The following GLIS3 variants were observed in gnomAD, a reference collection of about 807,000 sequenced individuals.
The protein encoded by GLIS3 is GLIS family zinc finger 3.
A neutral mutation model predicts 78.6 loss-of-function variants in GLIS3; 53 were observed. That is an observed-to-expected ratio of 0.67 (90% CI 0.54 to 0.85). The LOEUF (loss-of-function observed/expected upper bound fraction) is 0.85. GLIS3 is among the 40% of genes least tolerant of loss of function. The pLI, the probability that GLIS3 is intolerant of heterozygous loss-of-function variation, is 0.00. For synonymous variants in GLIS3, 684 were observed against 509.9 expected (o/e 1.34, Z -4.60); for missense variants, 1,703 against 1,231.1 (o/e 1.38, Z -5.74).
At chr9:3,991,721 C>T (rs532287523) in intron 4 of GLIS3, among the ~76,000 whole-genome samples, 4 of 104,404 alleles carry the variant, frequency 3.8e-5, no homozygotes, top group East Asian at 3.3e-4. Flanking sequence ...GACGGAGTCT[C>T]ACTCTGTCGC....
chr9:4,329,468 G>A (rs1817651494), intron 2 of GLIS3, among the ~76,000 whole-genome samples: 1 of 152,006 alleles, frequency 6.6e-6, no homozygotes, highest in Non-Finnish European at 1.5e-5. Context: ...CATTTGTCCT[G>A]GAACTAGGTG....
chr9:4,118,143 G>T lies in GLIS3; in HGVS notation c.1335C>A (p.Pro445=), dbSNP rs560316000. ...GCGGCAGAGGAGGGAGCGGAGGCGC[G>T]GGGGGTAGGTCTACGGTGCTGCCCG... ...EFPGSTVDLP[P]APPLPPLPPP... is the part of the protein sequence containing the mutation. The change falls in exon 4 of 11, where the codon CCC becomes CCA. Residue 445 remains proline, a synonymous_variant. Transcript: ENST00000381971. This position sits in a 1 kb window ranked among gnomAD's most constrained non-coding sequence, Gnocchi z 4.7. 4.8e-5 allele frequency: 74 copies of T among 1,548,934 alleles called. No homozygotes were observed. In the South Asian group the frequency reaches 8.9e-4, roughly 19 times the overall value.
chr9:4,332,853 CTTATACATGATAGTATCAATA>C (rs1253872749), intron 2 of GLIS3, among the ~76,000 whole-genome samples: 3 of 152,154 alleles, frequency 2.0e-5, no homozygotes, highest in Non-Finnish European at 4.4e-5. Context: ...TATTCTGAAC[CTTATACATGATAGTATCAATA>C]TTTCTGGGAT....
the GLIS3 span, among the ~76,000 whole-genome samples, chr9:4,396,704 T>C: frequency 3.9e-5 from 6 of 152,240 alleles, no homozygotes; most frequent in Non-Finnish European, 8.8e-5. Context: ...TAGAATGATA[T>C]GTATATGTAC....
At chr9:3,870,356 C>T (rs777431789) in intron 8 of GLIS3, among the ~76,000 whole-genome samples, 1 of 151,816 alleles carries the variant, frequency 6.6e-6, no homozygotes, top group Non-Finnish European at 1.5e-5. Context: ...ACCACTGGGC[C>T]AAAGAGAAAA....
chr9:4,485,229 G>A, the GLIS3 span, among the ~76,000 whole-genome samples: 2 of 151,988 alleles, frequency 1.3e-5, no homozygotes, highest in Admixed American at 6.5e-5. Flanking sequence ...TGGCCAGGCT[G>A]TTCTTAAACT....
chr9:4,474,767 GCTCACTGCAGCCTCAA>G, the GLIS3 span, among the ~76,000 whole-genome samples: 4 of 149,416 alleles, frequency 2.7e-5, 1 homozygote, highest in African/African-American at 9.9e-5. Flanking sequence ...CATGAACATG[GCTCACTGCAGCCTCAA>G]CCTCCCAGTC....
chr9:3,846,523 G>A (rs115904080), intron 9 of GLIS3, among the ~76,000 whole-genome samples: 1 of 152,154 alleles, frequency 6.6e-6, no homozygotes, highest in African/African-American at 2.4e-5. Context: ...TCTGAAACAG[G>A]GGTGTCAGTA....
the GLIS3 span, among the ~76,000 whole-genome samples, chr9:4,437,804 G>A: frequency 6.6e-6 from 1 of 152,116 alleles, no homozygotes; most frequent in Non-Finnish European, 1.5e-5. Flanking sequence ...GGACCTTTAA[G>A]ATGATCCACT....
At chr9:4,191,528 A>G (rs1055535967) in intron 2 of GLIS3, among the ~76,000 whole-genome samples, 1 of 152,250 alleles carries the variant, frequency 6.6e-6, no homozygotes, top group Non-Finnish European at 1.5e-5. Flanking sequence ...CCTATTACCA[A>G]GAAAGACCTA....
chr9:4,200,737 C>A (rs749871402), intron 2 of GLIS3, among the ~76,000 whole-genome samples: 1 of 152,140 alleles, frequency 6.6e-6, no homozygotes, highest in Non-Finnish European at 1.5e-5. Context: ...ACAGGACTCA[C>A]GGCCAAATTC....
chr9:4,264,185 A>C (rs1015223596), intron 2 of GLIS3, among the ~76,000 whole-genome samples: 1 of 152,176 alleles, frequency 6.6e-6, no homozygotes, highest in Non-Finnish European at 1.5e-5. Context: ...CATTCACTAC[A>C]TGTTCAAACC....
At chr9:4,217,274 T>A (rs1461778536) in intron 2 of GLIS3, among the ~76,000 whole-genome samples, 1 of 152,202 alleles carries the variant, frequency 6.6e-6, no homozygotes, top group Non-Finnish European at 1.5e-5. Context: ...TTCATTCAGC[T>A]CAGGCTCCAT....
chr9:4,099,859 T>C (rs1830233251), intron 4 of GLIS3, among the ~76,000 whole-genome samples: 1 of 152,222 alleles, frequency 6.6e-6, no homozygotes, highest in Non-Finnish European at 1.5e-5. Context: ...ACCTTCAAAT[T>C]CCTAATATTA....
chr9:3,874,800 C>G (rs958602162), intron 8 of GLIS3, among the ~76,000 whole-genome samples: 14 of 152,150 alleles, frequency 9.2e-5, no homozygotes, highest in Admixed American at 6.5e-4. Context: ...AGAAAAAACA[C>G]TTTGTTTTTT....
At chr9:3,895,917 T>G (rs1225550037) in intron 7 of GLIS3, among the ~76,000 whole-genome samples, 1 of 152,230 alleles carries the variant, frequency 6.6e-6, no homozygotes, top group East Asian at 1.9e-4. Flanking sequence ...AATATTTTTG[T>G]GATAAATTAA....
At chr9:4,367,926 T>C in the GLIS3 span, among the ~76,000 whole-genome samples, 2 of 152,162 alleles carry the variant, frequency 1.3e-5, no homozygotes. Context: ...GAAAGTTAAG[T>C]TCAGAGAGGT....
chr9:3,899,808 T>C (rs527771690), intron 6 of GLIS3, among the ~76,000 whole-genome samples: 2 of 152,306 alleles, frequency 1.3e-5, no homozygotes, highest in South Asian at 4.1e-4. Flanking sequence ...TTGTCAAAGT[T>C]AGACTCTAGA....
chr9:4,226,538 G>A (rs181041962), intron 2 of GLIS3, among the ~76,000 whole-genome samples: 2 of 152,244 alleles, frequency 1.3e-5, no homozygotes, highest in East Asian at 1.9e-4. Context: ...CTAAGGGGGA[G>A]GGAATGGTAA....
Sources: gnomAD v4.1 joint callset for allele counts (sites outside exome capture counted in the v4.1 genomes callset) on GRCh38, gnomAD v4.1.1 for gene constraint, Gnocchi (gnomAD v3.1) non-coding constraint, MANE v1.5 for transcripts, NCBI Gene and HGNC (gene_info 2026-07-23, HGNC 2026-07-21) for gene names.